Variants in PDS5B observed in about 807,000 individuals in gnomAD.
The protein encoded by PDS5B is sister chromatid cohesion protein PDS5 homolog B.
Under a neutral mutation model 184.1 loss-of-function variants are expected in PDS5B, and 51 were observed. The observed-to-expected ratio is 0.28, with a 90% CI of 0.22 to 0.35. The LOEUF is 0.35. Among genes scored for constraint, PDS5B ranks in the 10% least tolerant of loss-of-function variants. PDS5B has a pLI of 1.00. For synonymous variants in PDS5B, 566 were observed against 569.2 expected, an observed-to-expected ratio of 0.99 and a Z score of 0.08; for missense variants, 1,180 against 1,723.3, an observed-to-expected ratio of 0.68 and a Z score of 5.58.
Position 32,687,200 on chromosome 13 carries a change from G to A in PDS5B, c.1270G>A (p.Ala424Thr). 6.2e-7 allele frequency: 1 copy of A among 1,609,784 alleles called. No homozygotes were observed. Among genetic ancestry groups the A allele is most frequent in the Non-Finnish European group, 8.5e-7 (1 of 1,177,950 alleles). ...TTATAAGAAATATGCTTTACAGTCA[G>A]CAGCTGGAAAAGATGCTGCAAAACA... is the stretch of plus-strand genomic sequence containing the variant. ...QIYKKYALQS[A>T]AGKDAAKQIA... Residue 424 changes from alanine (A) to threonine (T), a missense_variant, in exon 12 of 35, where the codon GCA (alanine) becomes ACA (threonine). Ala to Thr is a moderately conservative substitution (Grantham distance 58). Coordinates refer to ENST00000315596, the MANE Select transcript of PDS5B (RefSeq NM_015032.4).
At chr13:32,701,150 T>C (rs1291542182) in intron 16 of PDS5B, 173 bp from the exon 17 acceptor site, 2 of 502,238 alleles carry the variant, frequency 4.0e-6, no homozygotes, top group Non-Finnish European at 7.2e-6. Context: ...ATATTACCTT[T>C]TTCATATGCT....
At chr13:32,667,484 G>A (rs1453766687) in intron 6 of PDS5B, among the ~76,000 whole-genome samples, 1 of 152,104 alleles carries the variant, frequency 6.6e-6, no homozygotes, top group African/African-American at 2.4e-5. Flanking sequence ...TAGATCTAGA[G>A]TGACTCTATC....
intron 1 of PDS5B, among the ~76,000 whole-genome samples, chr13:32,643,451 A>C (rs1028567278): frequency 1.3e-5 from 2 of 152,170 alleles, no homozygotes; most frequent in African/African-American, 4.8e-5. Context: ...AAACTTAGAT[A>C]TGAAAGTGTC....
chr13:32,764,508 G>C lies in PDS5B; in HGVS notation c.3538G>C (p.Asp1180His). 1 of 1,598,310 alleles carries C rather than the reference G, an allele frequency of 6.3e-7. No homozygotes were observed. Among genetic ancestry groups the C allele is most frequent in the Middle Eastern group, 1.7e-4 (1 of 6,012 alleles). ...TAAAAGGCTTGATAGTTCTGAAATG[G>C]ATCACAGTGAAAATGAAGATTACAC... ...IKGRLDSSEM[D>H]HSENEDYTMS... The change falls in exon 31 of 35, where the codon GAT becomes CAT. Residue 1180 changes from aspartate (D) to histidine (H), a missense_variant. This residue lies in a region of PDS5B where 465 missense variants were observed against 497.8 expected (regional missense o/e 0.93). Coordinates refer to ENST00000315596, the MANE Select transcript of PDS5B (RefSeq NM_015032.4).
At chr13:32,597,310 TG>T (rs2057892654) in intron 1 of PDS5B, among the ~76,000 whole-genome samples, 1 of 151,872 alleles carries the variant, frequency 6.6e-6, no homozygotes, top group African/African-American at 2.4e-5. Context: ...CCCAAAGTGC[TG>T]GGATTACAGG....
chr13:32,644,821 A>G (rs1431216162), intron 1 of PDS5B, among the ~76,000 whole-genome samples: 1 of 152,128 alleles, frequency 6.6e-6, no homozygotes, highest in African/African-American at 2.4e-5. Flanking sequence ...ATTTGAAAAA[A>G]TCTGTTTAGT....
intron 1 of PDS5B, among the ~76,000 whole-genome samples, chr13:32,588,400 T>C (rs1051429752): frequency 2.0e-5 from 3 of 152,240 alleles, no homozygotes; most frequent in African/African-American, 7.2e-5. Flanking sequence ...TACAAATATG[T>C]CTAACAAGAT....
At chr13:32,602,083 T>A (rs916327794) in intron 1 of PDS5B, among the ~76,000 whole-genome samples, 8 of 152,036 alleles carry the variant, frequency 5.3e-5, no homozygotes, top group Non-Finnish European at 8.8e-5. Context: ...CTTTTTTTTT[T>A]AAATCCTTGT....
chr13:32,666,443 G>A (rs984309368), intron 6 of PDS5B, among the ~76,000 whole-genome samples: 1 of 152,058 alleles, frequency 6.6e-6, no homozygotes, highest in East Asian at 1.9e-4. Flanking sequence ...TTTCAAAATA[G>A]CTAAAAGAGA....
chr13:32,668,760 A>T (rs1224951612), intron 7 of PDS5B, among the ~76,000 whole-genome samples: 1 of 152,148 alleles, frequency 6.6e-6, no homozygotes. Context: ...CTAAAATTTG[A>T]GGGAGAGTTT....
intron 1 of PDS5B, among the ~76,000 whole-genome samples, chr13:32,613,254 T>C (rs1167616429): frequency 1.3e-5 from 2 of 152,254 alleles, no homozygotes; most frequent in African/African-American, 4.8e-5. Context: ...GGTATAAACA[T>C]AGGAGTAGAA....
chr13:32,675,785 C>G, intron 8 of PDS5B, 59 bp from the exon 9 acceptor site: 2 of 924,562 alleles, frequency 2.2e-6, no homozygotes, highest in Admixed American at 2.0e-5. Context: ...AAAGAATGGG[C>G]AGCCTTATTC....
rs771144401 is a variant in PDS5B, at chr13:32,770,705, G to A, written c.4116G>A (p.Gln1372=). 9 of 1,611,092 alleles carry A rather than the reference G, an allele frequency of 5.6e-6. No homozygotes were observed. The South Asian group carries it at 9.9e-5, about 18-fold the overall frequency. The change falls in exon 33 of 35, where the codon CAG becomes CAA. Residue 1372 remains glutamine, a synonymous_variant. Transcript: ENST00000315596. The part of the protein sequence containing the change: ...SAIESTQSTP[Q]KGRGRPSKTP... The stretch of plus-strand genomic sequence containing the variant: ...TTGAATCCACACAGTCCACACCACA[G>A]AAAGGACGAGGAAGACCATCAAAAA...
intron 31 of PDS5B, among the ~76,000 whole-genome samples, chr13:32,765,831 A>T (rs747545288): frequency 5.9e-5 from 9 of 152,222 alleles, no homozygotes; most frequent in Non-Finnish European, 8.8e-5. Flanking sequence ...CAAACGCCTG[A>T]TGTCAGGTGA....
At chr13:32,707,333 C>G (rs370825967) in intron 18 of PDS5B, among the ~76,000 whole-genome samples, 2 of 151,978 alleles carry the variant, frequency 1.3e-5, no homozygotes, top group East Asian at 3.9e-4. Context: ...GAGCCAAATT[C>G]TTTCTAAAAC....
At chr13:32,713,287 G>A (rs1026561236) in intron 19 of PDS5B, among the ~76,000 whole-genome samples, 1 of 152,148 alleles carries the variant, frequency 6.6e-6, no homozygotes, top group African/African-American at 2.4e-5. Flanking sequence ...CTATACTTTT[G>A]TTTAAATAGC....
In PDS5B at chr13:32,738,797, G is replaced by A. The variant is rs556221218; in HGVS notation, c.2407-2283G>A. ...AGCCATTCTCCTGTCTCAGCCTCCCGAGTAGCTGGGACTACAGGCGCCCAC... is the reference window on the plus strand; with the variant it reads ...AGCCATTCTCCTGTCTCAGCCTCCCAAGTAGCTGGGACTACAGGCGCCCAC... On this transcript the variant is annotated intron_variant, in intron 21 of 34. Transcript: ENST00000315596. Among the ~76,000 whole-genome samples the A allele has an allele frequency of 4.0e-5, 6 of 151,780 alleles. No individual in the cohort carries two copies. In the South Asian group the frequency reaches 8.3e-4, roughly 21 times the overall value.
At chr13:32,731,986 G>C in intron 19 of PDS5B, 115 bp from the exon 20 acceptor site, 1 of 752,144 alleles carries the variant, frequency 1.3e-6, no homozygotes. Flanking sequence ...AGTAAATCTT[G>C]GTGACTTTTT....
rs148093868 is a variant in PDS5B at position 32,699,158 on chromosome 13, C to T, written c.1601-572C>T. 1.6e-3 allele frequency among the ~76,000 whole-genome samples: 250 copies of T among 152,308 alleles called. 3 individuals are homozygous for T. The highest frequency in any genetic ancestry group is 3.4e-3 in the Non-Finnish European group (230 of 68,028). On this transcript the variant is annotated intron_variant, in intron 15 of 34. Coordinates refer to ENST00000315596, the MANE Select transcript of PDS5B (RefSeq NM_015032.4). ...TCATAAGTATTTTGATACATAGACA[C>T]ATTAGCAGAATAGTATAAAAATCAT...
Sources: allele counts gnomAD v4.1 joint callset (sites outside exome capture counted in the v4.1 genomes callset), GRCh38; gene constraint gnomAD v4.1.1; regional missense constraint gnomAD v4.1.1; transcripts MANE v1.5; gene names NCBI Gene and HGNC (gene_info 2026-07-23, HGNC 2026-07-21).